Variants in KCNIP4 observed in about 807,000 individuals in gnomAD.
KCNIP4 encodes the protein Kv channel-interacting protein 4.
KCNIP4 carries 12 observed loss-of-function variants against 34.0 expected under a neutral mutation model. That is an observed-to-expected ratio of 0.35 (90% CI 0.23 to 0.57). KCNIP4 has a LOEUF of 0.57. Ranked by LOEUF, KCNIP4 falls within the 20% of genes least tolerant of loss-of-function variation. The probability of loss-of-function intolerance (pLI) is 0.83; values close to 1 mark genes in which losing one functional copy is unlikely to be tolerated. For missense variants in KCNIP4, 238 were observed against 311.7 expected (o/e 0.76, Z 1.78); for synonymous variants, 124 against 102.2 (o/e 1.21, Z -1.29).
intron 1 of KCNIP4, among the ~76,000 whole-genome samples, chr4:21,426,059 A>G (rs1005049490): frequency 6.6e-6 from 1 of 152,164 alleles, no homozygotes; most frequent in Non-Finnish European, 1.5e-5. Flanking sequence ...TCCTGTCTCA[A>G]ACAAACAAAA....
Position 21,370,834 on chromosome 4 carries a change from TATATATATATATATATACAC to T in KCNIP4, c.62-488145_62-488126del, listed in dbSNP as rs1333520481. Among the ~76,000 whole-genome samples, 153 of 32,342 alleles carry T rather than the reference TATATATATATATATATACAC, an allele frequency of 4.7e-3. 1 individual carries two copies. The highest frequency in any genetic ancestry group is 0.021 in the East Asian group (7 of 340). The allele number at this position is 32,342 out of a possible 152,430, so 21.2% of individuals were successfully genotyped here. On this transcript the variant is annotated intron_variant, in intron 1 of 8. Coordinates refer to ENST00000382152, the MANE Select transcript of KCNIP4 (RefSeq NM_025221.6). Reference sequence around the variant, plus strand: ...ATATATATATATATATATATATATATATATATATATATATATACACACACACACACACACACACACACACA... The same window carrying T: ...ATATATATATATATATATATATATATACACACACACACACACACACACACA...
At chr4:21,739,511 T>C (rs978208957) in intron 1 of KCNIP4, among the ~76,000 whole-genome samples, 2 of 152,012 alleles carry the variant, frequency 1.3e-5, no homozygotes, top group Admixed American at 1.3e-4. Context: ...CTTGAGAAAA[T>C]GACGTTTTTC....
intron 1 of KCNIP4, among the ~76,000 whole-genome samples, chr4:21,679,049 A>G (rs981451613): frequency 1.3e-5 from 2 of 152,184 alleles, no homozygotes; most frequent in Non-Finnish European, 1.5e-5. Context: ...CAAGGTGGCC[A>G]TCTGCAAGCC....
At chr4:21,793,266 T>C (rs142712158) in intron 1 of KCNIP4, among the ~76,000 whole-genome samples, 250 of 152,308 alleles carry the variant, frequency 1.6e-3, no homozygotes, top group African/African-American at 5.5e-3. Context: ...TTATTCTTTT[T>C]TGAGATGGAG....
chr4:21,180,451 A>C (rs969988103), intron 1 of KCNIP4, among the ~76,000 whole-genome samples: 1 of 152,096 alleles, frequency 6.6e-6, no homozygotes, highest in African/African-American at 2.4e-5. Context: ...ACCAATATAC[A>C]TTTATTAGAT....
At chr4:21,341,482 G>C (rs1578101141) in intron 1 of KCNIP4, among the ~76,000 whole-genome samples, 1 of 152,212 alleles carries the variant, frequency 6.6e-6, no homozygotes, top group South Asian at 2.1e-4. Context: ...TTATGCAAAA[G>C]TGTCTTCAAA....
chr4:21,678,997 A>T (rs962899177), intron 1 of KCNIP4, among the ~76,000 whole-genome samples: 4 of 152,164 alleles, frequency 2.6e-5, no homozygotes, highest in African/African-American at 9.6e-5. Flanking sequence ...AGATACCAGG[A>T]GCACACAAGC....
chr4:20,730,195 C>T (rs1747659644), intron 8 of KCNIP4, 66 bp from the exon 9 acceptor site: 1 of 1,520,692 alleles, frequency 6.6e-7, no homozygotes, highest in African/African-American at 1.4e-5. Flanking sequence ...ACTATTTTGC[C>T]CCTGAGTATT....
At chr4:20,735,143 G>A (rs1275292225) in intron 5 of KCNIP4, among the ~76,000 whole-genome samples, 2 of 152,196 alleles carry the variant, frequency 1.3e-5, no homozygotes, top group East Asian at 1.9e-4. Flanking sequence ...AAATGTGGCT[G>A]TCCATAAAAG....
intron 1 of KCNIP4, among the ~76,000 whole-genome samples, chr4:20,975,054 T>A (rs1464339494): frequency 6.6e-6 from 1 of 152,196 alleles, no homozygotes; most frequent in Non-Finnish European, 1.5e-5. Context: ...TAGTACTCCA[T>A]TTTACAAATG....
intron 2 of KCNIP4, among the ~76,000 whole-genome samples, chr4:20,869,813 AAC>A (rs1292861493): frequency 6.6e-6 from 1 of 152,066 alleles, no homozygotes; most frequent in African/African-American, 2.4e-5. Flanking sequence ...TGAGGGGTCT[AAC>A]ACAGCACTTT....
intron 1 of KCNIP4, among the ~76,000 whole-genome samples, chr4:21,119,107 A>T (rs923197590): frequency 6.6e-6 from 1 of 152,124 alleles, no homozygotes; most frequent in Non-Finnish European, 1.5e-5. Context: ...TTGAATACTC[A>T]GTGGTGCTAA....
chr4:21,657,081 T>C (rs902405124), intron 1 of KCNIP4, among the ~76,000 whole-genome samples: 2 of 152,202 alleles, frequency 1.3e-5, no homozygotes, highest in Non-Finnish European at 2.9e-5. Flanking sequence ...AAATGTCAGC[T>C]AGTGTGATGA....
In KCNIP4 at chr4:21,470,245, G is replaced by A. The variant is rs937413166; in HGVS notation, c.61+478326C>T. 1.2e-4 allele frequency among the ~76,000 whole-genome samples: 18 copies of A among 152,274 alleles called. No homozygotes were observed. The East Asian group carries it at 3.3e-3, about 28-fold the overall frequency. On this transcript the variant is annotated intron_variant, in intron 1 of 8. Transcript: ENST00000382152. ...CAGGCTGTATAATGACTAGTCTGGA[G>A]TGGAGAAGGGAGGGAGATTAGCTCC...
chr4:21,168,539 G>A (rs1043073465), intron 1 of KCNIP4, among the ~76,000 whole-genome samples: 14 of 152,138 alleles, frequency 9.2e-5, no homozygotes, highest in African/African-American at 3.4e-4. Flanking sequence ...CAGCTTTACC[G>A]AAACTATCTA....
At chr4:20,980,793 C>T (rs1735988956) in intron 1 of KCNIP4, among the ~76,000 whole-genome samples, 1 of 150,252 alleles carries the variant, frequency 6.7e-6, no homozygotes. Context: ...GCCTTTTCAC[C>T]TTCACTTCTC....
intron 1 of KCNIP4, among the ~76,000 whole-genome samples, chr4:21,716,759 C>A (rs1714417773): frequency 6.6e-6 from 1 of 152,126 alleles, no homozygotes; most frequent in Non-Finnish European, 1.5e-5. Context: ...TGACTCATCC[C>A]ATGCTAAAAC....
At chr4:21,523,268 T>C (rs1237125909) in intron 1 of KCNIP4, among the ~76,000 whole-genome samples, 1 of 152,106 alleles carries the variant, frequency 6.6e-6, no homozygotes, top group Non-Finnish European at 1.5e-5. Context: ...GGTCTTTATT[T>C]TTTATGTGTC....
chr4:21,322,561 A>T (rs1714611809), intron 1 of KCNIP4, among the ~76,000 whole-genome samples: 1 of 152,166 alleles, frequency 6.6e-6, no homozygotes, highest in African/African-American at 2.4e-5. Flanking sequence ...GGACATCTGG[A>T]AAACAATCTA....
Sources: allele counts gnomAD v4.1 joint callset (sites outside exome capture counted in the v4.1 genomes callset), GRCh38; gene constraint gnomAD v4.1.1; transcripts MANE v1.5; gene names NCBI Gene and HGNC (gene_info 2026-07-23, HGNC 2026-07-21).